RRM2: variants seen among roughly 807,000 people sequenced by gnomAD.
The protein encoded by RRM2 is ribonucleotide reductase regulatory subunit M2.
In RRM2, 6 loss-of-function variants were observed where a neutral mutation model predicts 45.9. The ratio of observed to expected loss-of-function variants is 0.13; its 90% confidence interval spans 0.07 to 0.26. The LOEUF (loss-of-function observed/expected upper bound fraction) is 0.26, where lower values mean the gene tolerates loss of function less well. Ranked by LOEUF, RRM2 falls within the 10% of genes least tolerant of loss-of-function variation. The pLI, the probability that RRM2 is intolerant of heterozygous loss-of-function variation, is 1.00. For synonymous variants in RRM2, 177 were observed against 173.0 expected, an observed-to-expected ratio of 1.02 and a Z score of -0.18; for missense variants, 343 against 489.5, an observed-to-expected ratio of 0.70 and a Z score of 2.82.
At chr2:10,162,810 T>C (rs755631563) in intron 3 of RRM2, among the ~76,000 whole-genome samples, 6 of 152,196 alleles carry the variant, frequency 3.9e-5, no homozygotes, top group Non-Finnish European at 8.8e-5. Context: ...CCATTGCACT[T>C]GCTATTCACA....
intron 3 of RRM2, among the ~76,000 whole-genome samples, chr2:10,207,875 T>C (rs1328586860): frequency 6.7e-6 from 1 of 150,322 alleles, no homozygotes; most frequent in African/African-American, 2.4e-5. Flanking sequence ...GTAAAAGCCT[T>C]CCTCTCCTTT....
chr2:10,123,823 G>A lies in RRM2; in HGVS notation c.406G>A (p.Ala136Thr). Residue 136 changes from alanine to threonine, a missense_variant, in exon 4 of 10, where the codon GCA (alanine) becomes ACA (threonine). Transcript: ENST00000304567. ...FISHVLAFFA[A>T]SDGIVNENLV... ...ATCCCATGTTCTGGCTTTCTTTGCA[G>A]CAAGCGATGGCATAGTAAATGAAAA... 1 of 1,601,948 alleles carries A rather than the reference G, an allele frequency of 6.2e-7. No homozygotes were observed. Among genetic ancestry groups the A allele is most frequent in the Non-Finnish European group, 8.6e-7 (1 of 1,168,966 alleles).
intron 3 of RRM2, among the ~76,000 whole-genome samples, chr2:10,188,255 C>T (rs1664212805): frequency 6.6e-6 from 1 of 152,188 alleles, no homozygotes; most frequent in South Asian, 2.1e-4. Flanking sequence ...GCTCGGGCTG[C>T]TCTAGCAGAA....
chr2:10,142,985 G>A (rs888770408), intron 3 of RRM2, among the ~76,000 whole-genome samples: 8 of 152,126 alleles, frequency 5.3e-5, no homozygotes, highest in Admixed American at 1.3e-4. Context: ...GCCGTTCTCC[G>A]GCCTCAGCCT....
rs919520682 is a variant in RRM2, at chr2:10,169,989, G to A, written n.482+27614G>A. On this transcript the variant is annotated intron_variant and non_coding_transcript_variant, in intron 3 of 3. Transcript: ENST00000381786. This position sits in a 1 kb window ranked among gnomAD's most constrained non-coding sequence, Gnocchi z 5.1. ...GGTTCTGATCCAGATTCTGGTACCC[G>A]AGTGAGCTAGGCCACGGGAGCAGCT... is the stretch of plus-strand genomic sequence containing the variant. Among the ~76,000 whole-genome samples, 2 of 152,156 alleles carry A rather than the reference G, an allele frequency of 1.3e-5. No individual in the cohort carries two copies. Among genetic ancestry groups the A allele is most frequent in the Admixed American group, 6.5e-5 (1 of 15,268 alleles).
At chr2:10,144,617 T>C (rs1309618138) in intron 3 of RRM2, among the ~76,000 whole-genome samples, 1 of 152,232 alleles carries the variant, frequency 6.6e-6, no homozygotes, top group Non-Finnish European at 1.5e-5. Flanking sequence ...GGAATTCCTA[T>C]TTTTAATAGC....
intron 1 of RRM2, chr2:10,141,769 G>A (rs1410637837): frequency 6.5e-6 from 9 of 1,379,008 alleles, no homozygotes; most frequent in Non-Finnish European, 5.6e-6. Flanking sequence ...CCCAGGAGGT[G>A]GCCATGGCCT....
chr2:10,123,886 G>A (rs767257528), intron 4 of RRM2, 34 bp downstream of exon 4: 8 of 1,214,022 alleles, frequency 6.6e-6, no homozygotes, highest in Non-Finnish European at 8.6e-6. Flanking sequence ...TTCATTTGAC[G>A]TTGACGATCT....
chr2:10,196,899 C>T (rs561488231), intron 3 of RRM2, among the ~76,000 whole-genome samples: 24 of 152,276 alleles, frequency 1.6e-4, no homozygotes, highest in South Asian at 6.2e-4. Flanking sequence ...TCCCTGGGAG[C>T]GCATCCCTTT....
intron 3 of RRM2, among the ~76,000 whole-genome samples, chr2:10,142,853 G>C (rs992698973): frequency 1.3e-5 from 2 of 152,204 alleles, no homozygotes; most frequent in African/African-American, 4.8e-5. Flanking sequence ...GAACCTTCCT[G>C]AGTCTGAGCT....
chr2:10,141,934 C>A (rs1198443904), exon 2 of RRM2: 2 of 1,577,608 alleles, frequency 1.3e-6, no homozygotes, highest in East Asian at 2.3e-5. Flanking sequence ...AGATGGAGAC[C>A]AATCACCCAC....
intron 2 of RRM2, 33 bp from the exon 3 acceptor site, chr2:10,123,354 G>A (rs1460319930): frequency 1.3e-6 from 2 of 1,580,994 alleles, no homozygotes; most frequent in Non-Finnish European, 1.7e-6. Flanking sequence ...TGGTTCGCCC[G>A]GTACTTAAAT....
At chr2:10,206,924 C>T (rs1227983953) in intron 3 of RRM2, among the ~76,000 whole-genome samples, 1 of 152,166 alleles carries the variant, frequency 6.6e-6, no homozygotes, top group African/African-American at 2.4e-5. Flanking sequence ...AAGCCATTTT[C>T]GGATACACAA....
rs907724615 is a variant in RRM2 at position 10,130,476 on chromosome 2, A to G, written c.*1090A>G. 3 of 152,068 alleles carry G rather than the reference A, an allele frequency of 2.0e-5. No homozygotes were observed. Among genetic ancestry groups the G allele is most frequent in the Admixed American group, 2.0e-4 (3 of 15,246 alleles). 9.4% of individuals were successfully genotyped at this position (152,068 alleles called of 1,614,324 possible). On this transcript the variant is annotated 3_prime_UTR_variant, in exon 10 of 10. Coordinates refer to ENST00000304567, the MANE Select transcript of RRM2 (RefSeq NM_001034.4). ...AATTTTTTATTATCTATGTTCTTCTAGATTTTACCTGTAGTTCATACTTCA... is the reference window on the plus strand; with the variant it reads ...AATTTTTTATTATCTATGTTCTTCTGGATTTTACCTGTAGTTCATACTTCA...
intron 3 of RRM2, among the ~76,000 whole-genome samples, chr2:10,146,904 G>A (rs1193289341): frequency 6.6e-6 from 1 of 152,116 alleles, no homozygotes; most frequent in Non-Finnish European, 1.5e-5. Flanking sequence ...CTTTTTAAAG[G>A]TTTGTTTCTT....
chr2:10,124,101 G>A, intron 4 of RRM2: 2 of 418,748 alleles, frequency 4.8e-6, no homozygotes, highest in East Asian at 4.7e-5. Context: ...CACCACATCT[G>A]CCCCCTCTTT....
At chr2:10,136,118 G>A (rs1354740491), downstream of RRM2, among the ~76,000 whole-genome samples, 2 of 152,204 alleles carry the variant, frequency 1.3e-5, no homozygotes, top group African/African-American at 2.4e-5. Flanking sequence ...TGTCCGGGCA[G>A]CACCACCAAA....
chr2:10,196,243 G>A (rs1228523455), intron 3 of RRM2, among the ~76,000 whole-genome samples: 1 of 152,150 alleles, frequency 6.6e-6, no homozygotes, highest in Non-Finnish European at 1.5e-5. Context: ...AGCAAAGGTG[G>A]CCAGAGAGGG....
At chr2:10,133,063 T>G (rs551388047), downstream of RRM2, among the ~76,000 whole-genome samples, 1 of 152,182 alleles carries the variant, frequency 6.6e-6, no homozygotes, top group African/African-American at 2.4e-5. Flanking sequence ...TAATGGGAGA[T>G]CTCAGACACT....
Sources: allele counts gnomAD v4.1 joint callset (sites outside exome capture counted in the v4.1 genomes callset), GRCh38; gene constraint gnomAD v4.1.1; non-coding constraint Gnocchi (gnomAD v3.1); transcripts MANE v1.5; gene names NCBI Gene and HGNC (gene_info 2026-07-23, HGNC 2026-07-21).